AHCYL2: variants seen among roughly 807,000 people sequenced by gnomAD.
AHCYL2 encodes S-adenosylhomocysteine hydrolase-like protein 2.
In AHCYL2, 28 loss-of-function variants were observed where a neutral mutation model predicts 81.4. The ratio of observed to expected loss-of-function variants is 0.34; its 90% CI spans 0.25 to 0.47. The LOEUF (loss-of-function observed/expected upper bound fraction) is 0.47. AHCYL2 is among the 20% of genes least tolerant of loss of function. The probability of loss-of-function intolerance (pLI) is 1.00; values close to 1 mark genes in which losing one functional copy is unlikely to be tolerated. For synonymous variants in AHCYL2, 272 were observed against 290.2 expected, an observed-to-expected ratio of 0.94 and a Z score of 0.64; for missense variants, 551 against 785.1, an observed-to-expected ratio of 0.70 and a Z score of 3.56.
chr7:129,354,990 A>G (rs1043918234), intron 1 of AHCYL2, among the ~76,000 whole-genome samples: 8 of 152,156 alleles, frequency 5.3e-5, no homozygotes, highest in African/African-American at 1.7e-4. Context: ...TGTAACCCCA[A>G]ATGAATACCC....
At chr7:129,393,092 C>T (rs1795547797) in intron 4 of AHCYL2, among the ~76,000 whole-genome samples, 1 of 152,186 alleles carries the variant, frequency 6.6e-6, no homozygotes, top group African/African-American at 2.4e-5. Context: ...GGATTTTCCT[C>T]TGTAAAAGTT....
At chr7:129,329,456 A>G (rs774886848) in intron 1 of AHCYL2, among the ~76,000 whole-genome samples, 1 of 152,128 alleles carries the variant, frequency 6.6e-6, no homozygotes, top group Non-Finnish European at 1.5e-5. Context: ...TGCTGGGATT[A>G]CAGGCATGAG....
At chr7:129,396,453 C>T (rs1795747381) in intron 4 of AHCYL2, among the ~76,000 whole-genome samples, 1 of 150,358 alleles carries the variant, frequency 6.7e-6, no homozygotes, top group Admixed American at 6.6e-5. Context: ...CAGAGCTTTG[C>T]TCTTGTTGCC....
At chr7:129,409,066 A>G (rs1212149124) in intron 10 of AHCYL2, among the ~76,000 whole-genome samples, 1 of 151,020 alleles carries the variant, frequency 6.6e-6, no homozygotes, top group African/African-American at 2.4e-5. Flanking sequence ...CAGCCTGGGC[A>G]GCATAGTGAG....
intron 1 of AHCYL2, among the ~76,000 whole-genome samples, chr7:129,333,665 G>A (rs543055156): frequency 6.6e-6 from 1 of 152,302 alleles, no homozygotes; most frequent in South Asian, 2.1e-4. Flanking sequence ...AACTTTGGAA[G>A]TCAATCAGCA....
chr7:129,344,816 G>C (rs1793303962), intron 1 of AHCYL2, among the ~76,000 whole-genome samples: 2 of 152,134 alleles, frequency 1.3e-5, no homozygotes, highest in African/African-American at 4.8e-5. Flanking sequence ...GGAAAAAAAA[G>C]AGTTCTTACT....
At chr7:129,382,246 G>C (rs1055094460) in intron 2 of AHCYL2, among the ~76,000 whole-genome samples, 1 of 152,166 alleles carries the variant, frequency 6.6e-6, no homozygotes, top group Non-Finnish European at 1.5e-5. Flanking sequence ...AATATGACAA[G>C]ACATATATGC....
chr7:129,289,679 G>C (rs1464124705), intron 1 of AHCYL2, among the ~76,000 whole-genome samples: 1 of 151,888 alleles, frequency 6.6e-6, no homozygotes, highest in Non-Finnish European at 1.5e-5. Context: ...TTTTGGTGGG[G>C]GTTTTTTTGG....
At chr7:129,424,612 C>A in intron 13 of AHCYL2, 1 of 529,510 alleles carries the variant, frequency 1.9e-6, no homozygotes, top group South Asian at 2.2e-5. Flanking sequence ...TGGCATAAGC[C>A]TCAGTGTCAT....
chr7:129,225,066 C>T lies in AHCYL2; in HGVS notation c.-11C>T, dbSNP rs1794153381. ...CTGGAGTCTGAGCCGGTGGTTGCAG[C>T]GGAGGCGGTGATGTCGGTGCAGGTT... On this transcript the variant is annotated 5_prime_UTR_variant, in exon 1 of 17. Coordinates refer to ENST00000325006, the MANE Select transcript of AHCYL2 (RefSeq NM_015328.4). 1.9e-6 allele frequency: 3 copies of T among 1,582,110 alleles called. No individual in the cohort carries two copies. Among genetic ancestry groups the T allele is most frequent in the South Asian group, 1.2e-5 (1 of 86,712 alleles).
At chr7:129,243,227 C>G (rs546018570) in intron 1 of AHCYL2, among the ~76,000 whole-genome samples, 2,064 of 151,456 alleles carry the variant, frequency 0.014, 23 homozygotes, top group Non-Finnish European at 0.022. Flanking sequence ...GTTTCACCAT[C>G]TTGGCCAGGC....
rs1377376946 is a variant in AHCYL2, at chr7:129,379,629, T to G, written c.364-9T>G. 1 of 1,610,032 alleles carries G rather than the reference T, an allele frequency of 6.2e-7. No individual in the cohort carries two copies. The highest frequency in any genetic ancestry group is 1.1e-5 in the South Asian group (1 of 90,166). On this transcript the variant is annotated splice_polypyrimidine_tract_variant and intron_variant, in intron 1 of 16. Coordinates refer to ENST00000325006, the MANE Select transcript of AHCYL2 (RefSeq NM_015328.4). ...TTTTTCTTTATATAACTAGGTTTCT[T>G]TTTCTTAGCAGATCCAGTTTGCTGA...
chr7:129,251,711 G>A (rs190412287), intron 1 of AHCYL2, among the ~76,000 whole-genome samples: 1 of 152,202 alleles, frequency 6.6e-6, no homozygotes, highest in East Asian at 1.9e-4. Flanking sequence ...CCTCAGTGAT[G>A]CTCCAGTAAG....
At chr7:129,364,364 G>A (rs573055256) in intron 1 of AHCYL2, among the ~76,000 whole-genome samples, 1 of 152,088 alleles carries the variant, frequency 6.6e-6, no homozygotes, top group Non-Finnish European at 1.5e-5. Flanking sequence ...GCGCGATCTC[G>A]GCTCACTGCA....
intron 7 of AHCYL2, among the ~76,000 whole-genome samples, chr7:129,404,889 C>T (rs1325423676): frequency 1.3e-5 from 2 of 152,142 alleles, no homozygotes; most frequent in Non-Finnish European, 1.5e-5. Context: ...CCCCACATGA[C>T]TTTTGAATAA....
At chr7:129,362,317 A>G (rs1054722649) in intron 1 of AHCYL2, among the ~76,000 whole-genome samples, 2 of 152,192 alleles carry the variant, frequency 1.3e-5, no homozygotes, top group African/African-American at 2.4e-5. Context: ...GTTGAGTCCA[A>G]AAAATACCTG....
chr7:129,301,647 G>A (rs578180971), intron 1 of AHCYL2, among the ~76,000 whole-genome samples: 2 of 152,246 alleles, frequency 1.3e-5, no homozygotes, highest in African/African-American at 4.8e-5. Context: ...GTTTTGGCAT[G>A]TTTGTCAAAA....
intron 1 of AHCYL2, among the ~76,000 whole-genome samples, chr7:129,234,629 G>C (rs1794575421): frequency 6.6e-6 from 1 of 152,036 alleles, no homozygotes; most frequent in African/African-American, 2.4e-5. Context: ...AAAGTACTGG[G>C]ATTATAAGCA....
intron 1 of AHCYL2, among the ~76,000 whole-genome samples, chr7:129,259,758 TTAAC>T: frequency 6.6e-6 from 1 of 152,212 alleles, no homozygotes; most frequent in South Asian, 2.1e-4. Flanking sequence ...GAAATAAAAT[TTAAC>T]TAGTAGTATG....
Sources: gnomAD v4.1 joint callset for allele counts (sites outside exome capture counted in the v4.1 genomes callset) on GRCh38, gnomAD v4.1.1 for gene constraint, MANE v1.5 for transcripts, NCBI Gene and HGNC (gene_info 2026-07-23, HGNC 2026-07-21) for gene names.